The following CD68 variants were observed in gnomAD, a reference collection of about 807,000 sequenced individuals.
CD68 encodes CD68 molecule.
Under a neutral mutation model 31.3 loss-of-function variants are expected in CD68, and 24 were observed. That is an observed-to-expected ratio of 0.77 (90% CI 0.55 to 1.08). The LOEUF is 1.08. Among genes scored for constraint, CD68 ranks in the 50% least tolerant of loss-of-function variants. The probability of loss-of-function intolerance (pLI) is 0.00; values close to 1 mark genes in which losing one functional copy is unlikely to be tolerated. For synonymous variants in CD68, 190 were observed against 179.6 expected (o/e 1.06, Z -0.46); for missense variants, 461 against 442.5 (o/e 1.04, Z -0.38).
Position 7,579,865 on chromosome 17 carries a change from C to T in CD68, c.105C>T (p.Ser35=), listed in dbSNP as rs112661840. The T allele has an allele frequency of 3.1e-6, 5 of 1,614,078 alleles. No homozygotes were observed. The highest frequency in any genetic ancestry group is 2.2e-5 in the South Asian group (2 of 91,080). ...AAAAATCAGCTACTTTGCTGCCATC[C>T]TTCACGGTGACACCCACGGTTACAG... ...PHKKSATLLP[S]FTVTPTVTES... is the part of the protein sequence containing the mutation. Residue 35 remains serine, a synonymous_variant, in exon 2 of 6, where the codon TCC becomes TCT. Transcript: ENST00000250092.
Position 7,580,000 on chromosome 17 carries a change from C to T in CD68, c.240C>T (p.Asn80=). Reference sequence around the variant, plus strand: ...ACGGACCCACGACTGCCACTCACAACCCCACCACCACCAGCCATGGAAACG... The same window carrying T: ...ACGGACCCACGACTGCCACTCACAATCCCACCACCACCAGCCATGGAAACG... ...TSHGPTTATH[N]PTTTSHGNVT... The change falls in exon 2 of 6, where the codon AAC becomes AAT. Residue 80 remains asparagine (N), a synonymous_variant. Transcript: ENST00000250092. 2 of 1,609,234 alleles carry T rather than the reference C, an allele frequency of 1.2e-6. No individual in the cohort carries two copies. The highest frequency in any genetic ancestry group is 2.2e-5 in the South Asian group (2 of 90,908).
At position 7,581,082 on chromosome 17, in the gene CD68, T is replaced by C; in HGVS notation, c.931+16T>C. 1 of 1,606,102 alleles carries C rather than the reference T, an allele frequency of 6.2e-7. No homozygotes were observed. The highest frequency in any genetic ancestry group is 8.5e-7 in the Non-Finnish European group (1 of 1,174,550). ...TTTGGGCAAAGTAAGACCTACCTAC[T>C]CCTTCCCTCCTAGAATCCTCCCACT... On this transcript the variant is annotated intron_variant, in intron 5 of 5. Transcript: ENST00000250092.
At position 7,581,400 on chromosome 17, in the gene CD68, G is replaced by C; in HGVS notation, c.954G>C (p.Arg318=). 1 of 1,614,054 alleles carries C rather than the reference G, an allele frequency of 6.2e-7. No individual in the cohort carries two copies. Among genetic ancestry groups the C allele is most frequent in the South Asian group, 1.1e-5 (1 of 91,068 alleles). The change falls in exon 6 of 6, where the codon CGG becomes CGC. Residue 318 remains arginine, a synonymous_variant. Transcript: ENST00000250092. The part of the protein sequence containing the change: ...FGQSFSCPSD[R]SILLPLIIGL... The stretch of plus-strand genomic sequence containing the variant: ...CAGGTTTCTCCTGCCCCAGTGACCG[G>C]TCCATCTTGCTGCCTCTCATCATCG...
chr17:7,581,556 TG>T lies in CD68; in HGVS notation c.*52del, dbSNP rs34688956. On this transcript the variant is annotated 3_prime_UTR_variant, in exon 6 of 6. Transcript: ENST00000250092. ...GGGCACTGAGGGGGTTGGGGTGTGG[TG>T]GGGGGGTACCCTTATTTCCTCGACA... The T allele has an allele frequency of 6.7e-5, 106 of 1,590,300 alleles. No individual in the cohort carries two copies. The highest frequency in any genetic ancestry group is 1.3e-4 in the East Asian group (6 of 44,684).
chr17:7,580,586 G>C lies in CD68; in HGVS notation c.687+1G>C. The C allele has an allele frequency of 6.2e-7, 1 of 1,613,948 alleles. No individual in the cohort carries two copies. Among genetic ancestry groups the C allele is most frequent in the Non-Finnish European group, 8.5e-7 (1 of 1,179,994 alleles). On this transcript the variant is annotated splice_donor_variant, in intron 3 of 5. Coordinates refer to ENST00000250092, the MANE Select transcript of CD68 (RefSeq NM_001251.3). LOFTEE classifies it high-confidence loss of function. This position sits in a 1 kb window ranked among gnomAD's most constrained non-coding sequence, Gnocchi z 4.3. The stretch of plus-strand genomic sequence containing the variant: ...ACACCTCAGCTTTGGATTCATGCAG[G>C]TATAGCCATGACCTCAGTCTCACCC...
rs1313982376 is a variant in CD68 at position 7,581,583 on chromosome 17, C to A, written c.*72C>A. 22 of 1,467,554 alleles carry A rather than the reference C, an allele frequency of 1.5e-5. No homozygotes were observed. Among genetic ancestry groups the A allele is most frequent in the Non-Finnish European group, 2.0e-5 (21 of 1,051,984 alleles). The allele number at this position is 1,467,554 out of a possible 1,614,324, so 90.9% of individuals were successfully genotyped here. On this transcript the variant is annotated 3_prime_UTR_variant, in exon 6 of 6. Coordinates refer to ENST00000250092, the MANE Select transcript of CD68 (RefSeq NM_001251.3). ...GGGGGGTACCCTTATTTCCTCGACA[C>A]GCAACTGGCTCAAAGACAATGTTAT...
Position 7,580,796 on chromosome 17 carries a change from C to T in CD68, c.760+13C>T. 6.2e-7 allele frequency: 1 copy of T among 1,614,010 alleles called. No homozygotes were observed. The highest frequency in any genetic ancestry group is 8.5e-7 in the Non-Finnish European group (1 of 1,179,924). On this transcript the variant is annotated intron_variant, in intron 4 of 5. Coordinates refer to ENST00000250092, the MANE Select transcript of CD68 (RefSeq NM_001251.3). This position sits in a 1 kb window ranked among gnomAD's most constrained non-coding sequence, Gnocchi z 4.3. ...CCCCACGCAGCACGTAAGTAACCTC[C>T]TTCCCTTTCTCATTGCTACCACTAG... is the stretch of plus-strand genomic sequence containing the variant.
chr17:7,581,546 TGGGGTGTGGTGGGGG>T lies in CD68; in HGVS notation c.*38_*52del. The T allele has an allele frequency of 7.5e-6, 12 of 1,601,606 alleles. No homozygotes were observed. Among genetic ancestry groups the T allele is most frequent in the Non-Finnish European group, 1.0e-5 (12 of 1,169,226 alleles). On this transcript the variant is annotated 3_prime_UTR_variant, in exon 6 of 6. Coordinates refer to ENST00000250092, the MANE Select transcript of CD68 (RefSeq NM_001251.3). Reference sequence around the variant, plus strand: ...TCAAACCCCAGGGCACTGAGGGGGTTGGGGTGTGGTGGGGGGGTACCCTTATTTCCTCGACACGCA... The same window carrying T: ...TCAAACCCCAGGGCACTGAGGGGGTTGGTACCCTTATTTCCTCGACACGCA...
rs774626635 is a variant in CD68, at chr17:7,580,950, G to C, written c.815G>C (p.Gly272Ala). The C allele has an allele frequency of 1.2e-6, 2 of 1,613,894 alleles. No homozygotes were observed. The highest frequency in any genetic ancestry group is 3.3e-5 in the Admixed American group (2 of 59,998). Residue 272 changes from glycine to alanine, a missense_variant, in exon 5 of 6, where the codon GGG (glycine) becomes GCG (alanine). Physicochemically the swap from Gly to Ala is moderately conservative, Grantham distance 60. Coordinates refer to ENST00000250092, the MANE Select transcript of CD68 (RefSeq NM_001251.3). This position sits in a 1 kb window ranked among gnomAD's most constrained non-coding sequence, Gnocchi z 4.3. The stretch of plus-strand genomic sequence containing the variant: ...CTTCGAGATCTCCAAGCACCCCTGG[G>C]GCAGAGCTTCAGTTGCAGCAACTCG... ...ASLRDLQAPLGQSFSCSNSSI... is the reference protein window; with the variant it reads ...ASLRDLQAPLAQSFSCSNSSI...
rs756337554 is a variant in CD68 at position 7,580,791 on chromosome 17, ACCT to A, written c.760+12_760+14del. On this transcript the variant is annotated intron_variant, in intron 4 of 5. Coordinates refer to ENST00000250092, the MANE Select transcript of CD68 (RefSeq NM_001251.3). This position sits in a 1 kb window ranked among gnomAD's most constrained non-coding sequence, Gnocchi z 4.3. ...CCTTCCCCCACGCAGCACGTAAGTA[ACCT>A]CCTTCCCTTTCTCATTGCTACCACT... 1.2e-6 allele frequency: 2 copies of A among 1,613,702 alleles called. No homozygotes were observed. Among genetic ancestry groups the A allele is most frequent in the African/African-American group, 2.7e-5 (2 of 74,908 alleles).
Position 7,580,988 on chromosome 17 carries a change from T to C in CD68, c.853T>C (p.Ser285Pro), listed in dbSNP as rs2071477679. ...FSCSNSSIILSPAVHLDLLSL... is the reference protein window; with the variant it reads ...FSCSNSSIILPPAVHLDLLSL... ...TTGCAGCAACTCGAGCATCATTCTT[T>C]CACCAGCTGTCCACCTCGACCTGCT... is the stretch of plus-strand genomic sequence containing the variant. Residue 285 changes from serine (S) to proline (P), a missense_variant, in exon 5 of 6, where the codon TCA (serine) becomes CCA (proline). Ser to Pro is a moderately conservative substitution (Grantham distance 74). Coordinates refer to ENST00000250092, the MANE Select transcript of CD68 (RefSeq NM_001251.3). This position sits in a 1 kb window ranked among gnomAD's most constrained non-coding sequence, Gnocchi z 4.3. 1.9e-6 allele frequency: 3 copies of C among 1,613,898 alleles called. No homozygotes were observed. In the African/African-American group the frequency reaches 4.0e-5, roughly 22 times the overall value.
Position 7,580,318 on chromosome 17 carries a change from T to C in CD68, c.558T>C (p.Gly186=). Residue 186 remains glycine (G), a synonymous_variant, in exon 2 of 6, where the codon GGT becomes GGC. Transcript: ENST00000250092. The surrounding 1 kb of genome is among the most constrained non-coding windows in gnomAD (Gnocchi z 4.3). ...IQIRVMYTTQ[G]GGEAWGISVL... is the part of the protein sequence containing the mutation. ...TTCGAGTCATGTACACAACCCAGGG[T>C]GGAGGAGAGGTAAAGCTAAAACTGG... is the stretch of plus-strand genomic sequence containing the variant. The C allele has an allele frequency of 1.2e-6, 2 of 1,611,780 alleles. No homozygotes were observed. The highest frequency in any genetic ancestry group is 3.3e-4 in the Middle Eastern group (2 of 6,052).
In CD68 at chr17:7,580,701, C is replaced by T. The variant is rs568345087; in HGVS notation, c.688-10C>T. On this transcript the variant is annotated splice_polypyrimidine_tract_variant and intron_variant, in intron 3 of 5. Coordinates refer to ENST00000250092, the MANE Select transcript of CD68 (RefSeq NM_001251.3). The surrounding 1 kb of genome is among the most constrained non-coding windows in gnomAD (Gnocchi z 4.3). ...GGGATACCACCTGCGCCTTCCTCTT[C>T]GCCCCACAGGACCTCCAGCAGAAGG... 1.7e-4 allele frequency: 278 copies of T among 1,614,102 alleles called. No homozygotes were observed. The highest frequency in any genetic ancestry group is 2.0e-4 in the Non-Finnish European group (233 of 1,180,018).
Position 7,581,809 on chromosome 17 carries a change from T to G in CD68, c.*298T>G. On this transcript the variant is annotated 3_prime_UTR_variant, in exon 6 of 6. Transcript: ENST00000250092. The stretch of plus-strand genomic sequence containing the variant: ...CGGCGTAATCCCAGCTGGCCTGTAA[T>G]CCCAGCTACTTGGGAGGCTGAGGCA... 3.0e-6 allele frequency: 1 copy of G among 335,130 alleles called. No homozygotes were observed. 20.8% of individuals were successfully genotyped at this position (335,130 alleles called of 1,614,324 possible). A position where few individuals can be genotyped will look rare whatever the true frequency, so the allele number is the denominator to read the frequency against.
rs1216437537 is a variant in CD68, at chr17:7,581,519, C to T, written c.*8C>T. ...GCCTACCAGGCCCTCTGAGCATTTG[C>T]TTCAAACCCCAGGGCACTGAGGGGG... On this transcript the variant is annotated 3_prime_UTR_variant, in exon 6 of 6. Transcript: ENST00000250092. 29 of 1,613,742 alleles carry T rather than the reference C, an allele frequency of 1.8e-5. No homozygotes were observed. Among genetic ancestry groups the T allele is most frequent in the Non-Finnish European group, 2.4e-5 (28 of 1,179,856 alleles).
rs1380487951 is a variant in CD68 at position 7,579,949 on chromosome 17, G to A, written c.189G>A (p.Arg63=). 17 of 1,613,378 alleles carry A rather than the reference G, an allele frequency of 1.1e-5. No homozygotes were observed. Among genetic ancestry groups the A allele is most frequent in the Non-Finnish European group, 1.4e-5 (16 of 1,179,788 alleles). ...AGAGCCACAAAACCACCACTCACAG[G>A]ACAACCACCACAGGCACCACCAGCC... The part of the protein sequence containing the change: ...TTKSHKTTTH[R]TTTTGTTSHG... Residue 63 remains arginine (R), a synonymous_variant, in exon 2 of 6, where the codon AGG becomes AGA. Transcript: ENST00000250092.
Position 7,580,471 on chromosome 17 carries a change from G to C in CD68, c.573G>C (p.Trp191Cys). Residue 191 changes from tryptophan (W) to cysteine (C), a missense_variant, in exon 3 of 6, where the codon TGG becomes TGC. Trp to Cys is a radical substitution (Grantham distance 215, BLOSUM62 -2). Transcript: ENST00000250092. This position sits in a 1 kb window ranked among gnomAD's most constrained non-coding sequence, Gnocchi z 4.3. Reference protein sequence around the residue: ...MYTTQGGGEAWGISVLNPNKT... With the variant: ...MYTTQGGGEACGISVLNPNKT... Reference sequence around the variant, plus strand: ...CCAGTCTTTAACTTCCGCAGGCCTGGGGCATCTCTGTACTGAACCCCAACA... The same window carrying C: ...CCAGTCTTTAACTTCCGCAGGCCTGCGGCATCTCTGTACTGAACCCCAACA... The C allele has an allele frequency of 6.2e-7, 1 of 1,614,048 alleles. No homozygotes were observed. Among genetic ancestry groups the C allele is most frequent in the Non-Finnish European group, 8.5e-7 (1 of 1,179,982 alleles).
At position 7,580,047 on chromosome 17, in the gene CD68, A is replaced by G; in HGVS notation, c.287A>G (p.Asn96Ser). 1 of 1,613,858 alleles carries G rather than the reference A, an allele frequency of 6.2e-7. No homozygotes were observed. The highest frequency in any genetic ancestry group is 2.2e-5 in the East Asian group (1 of 44,866). ...HGNVTVHPTSNSTATSQGPST... is the reference protein window; with the variant it reads ...HGNVTVHPTSSSTATSQGPST... ...AACGTCACAGTTCATCCAACAAGCA[A>G]TAGCACTGCCACCAGCCAGGGACCC... The change falls in exon 2 of 6, where the codon AAT (asparagine) becomes AGT (serine). Residue 96 changes from asparagine to serine, a missense_variant. Asn to Ser is a conservative substitution (Grantham distance 46, BLOSUM62 1). Coordinates refer to ENST00000250092, the MANE Select transcript of CD68 (RefSeq NM_001251.3). This position sits in a 1 kb window ranked among gnomAD's most constrained non-coding sequence, Gnocchi z 4.3.
rs555233388 is a variant in CD68, at chr17:7,580,963, T to G, written c.828T>G (p.Ser276Arg). The part of the protein sequence containing the change: ...DLQAPLGQSF[S>R]CSNSSIILSP... ...AAGCACCCCTGGGGCAGAGCTTCAG[T>G]TGCAGCAACTCGAGCATCATTCTTT... Residue 276 changes from serine (S) to arginine (R), a missense_variant, in exon 5 of 6, where the codon AGT (serine) becomes AGG (arginine). By Grantham distance (110) the Ser-to-Arg change is moderately radical. Coordinates refer to ENST00000250092, the MANE Select transcript of CD68 (RefSeq NM_001251.3). This position sits in a 1 kb window ranked among gnomAD's most constrained non-coding sequence, Gnocchi z 4.3. 1 of 1,614,124 alleles carries G rather than the reference T, an allele frequency of 6.2e-7. No individual in the cohort carries two copies. Among genetic ancestry groups the G allele is most frequent in the Non-Finnish European group, 8.5e-7 (1 of 1,180,012 alleles).
Sources: allele counts gnomAD v4.1 joint callset, GRCh38; gene constraint gnomAD v4.1.1; non-coding constraint Gnocchi (gnomAD v3.1); transcripts MANE v1.5; gene names NCBI Gene and HGNC (gene_info 2026-07-23, HGNC 2026-07-21).